The following VPS53 variants were observed in gnomAD, a reference collection of about 807,000 sequenced individuals.
VPS53 encodes the protein vacuolar protein sorting-associated protein 53 homolog.
A neutral mutation model predicts 107.0 loss-of-function variants in VPS53; 70 were observed. That is an observed-to-expected ratio of 0.65 (90% CI 0.54 to 0.80). The LOEUF (loss-of-function observed/expected upper bound fraction) is 0.80, where lower values mean the gene tolerates loss of function less well. Among genes scored for constraint, VPS53 ranks in the 30% least tolerant of loss-of-function variants. The probability of loss-of-function intolerance (pLI) is 0.00; values close to 1 mark genes in which losing one functional copy is unlikely to be tolerated. For synonymous variants in VPS53, 409 were observed against 393.3 expected (o/e 1.04, Z -0.47); for missense variants, 917 against 1,049.4 (o/e 0.87, Z 1.74).
At chr17:670,515 G>C (rs1971891088) in intron 4 of VPS53, among the ~76,000 whole-genome samples, 1 of 152,218 alleles carries the variant, frequency 6.6e-6, no homozygotes, top group Admixed American at 6.5e-5. Flanking sequence ...ACCTGGCACA[G>C]ACTCTCCTGC....
At chr17:649,689 GACAGAGGA>G (rs1428228447) in intron 7 of VPS53, among the ~76,000 whole-genome samples, 11 of 151,728 alleles carry the variant, frequency 7.2e-5, no homozygotes, top group African/African-American at 2.7e-4. Flanking sequence ...TACACTGGAG[GACAGAGGA>G]ATGGAACACG....
intron 13 of VPS53, among the ~76,000 whole-genome samples, chr17:571,396 T>C (rs976381250): frequency 3.9e-5 from 6 of 152,178 alleles, no homozygotes; most frequent in South Asian, 2.1e-4. Context: ...ATGAAGGCTA[T>C]ACAAGGGCTC....
chr17:629,903 T>G (rs1415792895), intron 8 of VPS53, among the ~76,000 whole-genome samples: 1 of 151,322 alleles, frequency 6.6e-6, no homozygotes, highest in African/African-American at 2.4e-5. Flanking sequence ...CATTTTAATT[T>G]CATCTGCCCG....
intron 12 of VPS53, among the ~76,000 whole-genome samples, chr17:591,616 C>T (rs1788542559): frequency 6.6e-6 from 1 of 152,148 alleles, no homozygotes; most frequent in African/African-American, 2.4e-5. Flanking sequence ...ATCTTTATTT[C>T]TGCCTTCATT....
chr17:552,247 C>A (rs562097666), intron 16 of VPS53, among the ~76,000 whole-genome samples: 1 of 152,084 alleles, frequency 6.6e-6, no homozygotes, highest in Non-Finnish European at 1.5e-5. Flanking sequence ...TAAGTCAGAA[C>A]TGAAGAAAAT....
At chr17:572,999 T>G (rs960221581) in intron 13 of VPS53, among the ~76,000 whole-genome samples, 2 of 151,548 alleles carry the variant, frequency 1.3e-5, no homozygotes, top group Non-Finnish European at 2.9e-5. Flanking sequence ...AATCCCCCTC[T>G]GTGAGAAACA....
chr17:553,716 G>A (rs183241700), intron 15 of VPS53, among the ~76,000 whole-genome samples: 211 of 151,736 alleles, frequency 1.4e-3, no homozygotes, highest in Middle Eastern at 6.8e-3. Context: ...GACTACAGGC[G>A]TGCGCTACCA....
At chr17:546,331 A>T (rs747208553) in intron 17 of VPS53, among the ~76,000 whole-genome samples, 80 of 69,304 alleles carry the variant, frequency 1.2e-3, no homozygotes, top group Non-Finnish European at 1.6e-3. Context: ...TAGATATCTC[A>T]CACACACACA....
intron 19 of VPS53, among the ~76,000 whole-genome samples, chr17:526,633 TG>T (rs35929781): frequency 0.27 from 41,208 of 152,190 alleles, 5,726 homozygotes; most frequent in Admixed American, 0.33. Context: ...CATGAGACAT[TG>T]GGCAAGGGGT....
At chr17:569,332 A>C (rs992215862) in intron 13 of VPS53, among the ~76,000 whole-genome samples, 3 of 152,216 alleles carry the variant, frequency 2.0e-5, no homozygotes, top group Non-Finnish European at 4.4e-5. Flanking sequence ...TAATGTACCA[A>C]TGTTAACTTG....
chr17:672,811 G>A (rs891472193), intron 4 of VPS53, among the ~76,000 whole-genome samples: 5 of 152,118 alleles, frequency 3.3e-5, no homozygotes, highest in Middle Eastern at 3.2e-3. Flanking sequence ...TACAAAGAGC[G>A]ATGAATAAAG....
At chr17:648,275 C>T (rs1458564112) in intron 7 of VPS53, among the ~76,000 whole-genome samples, 3 of 152,214 alleles carry the variant, frequency 2.0e-5, no homozygotes, top group African/African-American at 7.2e-5. Flanking sequence ...AGGCCGGGCA[C>T]GGTGGCTCAC....
intron 12 of VPS53, among the ~76,000 whole-genome samples, chr17:596,688 T>G (rs924230421): frequency 1.3e-5 from 2 of 152,250 alleles, no homozygotes; most frequent in Non-Finnish European, 2.9e-5. Flanking sequence ...GGCTACGTTA[T>G]GAACGTGCTC....
intron 15 of VPS53, among the ~76,000 whole-genome samples, chr17:557,652 T>C (rs1240408344): frequency 6.6e-6 from 1 of 152,092 alleles, no homozygotes; most frequent in Non-Finnish European, 1.5e-5. Context: ...TATTTAGAGA[T>C]CACAATAAAG....
intron 18 of VPS53, among the ~76,000 whole-genome samples, chr17:533,210 G>C (rs761908877): frequency 6.6e-6 from 1 of 152,206 alleles, no homozygotes; most frequent in Admixed American, 6.5e-5. Flanking sequence ...TGTCCTGAGA[G>C]GGAATATGAT....
At position 516,035 on chromosome 17, in the gene VPS53, C is replaced by G. The variant is rs573867163; in HGVS notation, c.*3093G>C. 6.7e-6 allele frequency: 1 copy of G among 149,156 alleles called. No individual in the cohort carries two copies. The highest frequency in any genetic ancestry group is 1.5e-5 in the Non-Finnish European group (1 of 67,754). 9.2% of individuals were successfully genotyped at this position (149,156 alleles called of 1,614,324 possible). Reference sequence around the variant, plus strand: ...GCCAGGCTGGTCTCAAACTCGTGACCTCATGTGATCCGCCCACCTCGGCCT... The same window carrying G: ...GCCAGGCTGGTCTCAAACTCGTGACGTCATGTGATCCGCCCACCTCGGCCT... On this transcript the variant is annotated 3_prime_UTR_variant, in exon 22 of 22. Transcript: ENST00000437048.
At chr17:527,293 C>T (rs1185393820) in intron 19 of VPS53, among the ~76,000 whole-genome samples, 1 of 152,152 alleles carries the variant, frequency 6.6e-6, no homozygotes, top group Non-Finnish European at 1.5e-5. Flanking sequence ...CTCTCCTACT[C>T]TCTCTCACTG....
At chr17:534,195 T>C (rs551659000) in intron 18 of VPS53, among the ~76,000 whole-genome samples, 1 of 152,336 alleles carries the variant, frequency 6.6e-6, no homozygotes, top group South Asian at 2.1e-4. Flanking sequence ...GAAGTTAATA[T>C]GTGACTTCTC....
chr17:532,773 C>T, intron 19 of VPS53, 69 bp downstream of exon 19: 3 of 1,592,748 alleles, frequency 1.9e-6, no homozygotes, highest in Non-Finnish European at 2.6e-6. Context: ...TAGATCTGGA[C>T]TAGAAGAATA....
Sources: gnomAD v4.1 joint callset for allele counts (sites outside exome capture counted in the v4.1 genomes callset) on GRCh38, gnomAD v4.1.1 for gene constraint, MANE v1.5 for transcripts, NCBI Gene and HGNC (gene_info 2026-07-23, HGNC 2026-07-21) for gene names.